The following ZNF536 variants were observed in gnomAD, a reference collection of about 807,000 sequenced individuals.
The protein encoded by ZNF536 is zinc finger protein 536.
Under a neutral mutation model 84.5 loss-of-function variants are expected in ZNF536, and 13 were observed. That is an observed-to-expected ratio of 0.15 (90% CI 0.10 to 0.24). The LOEUF is 0.24. Among genes scored for constraint, ZNF536 ranks in the 10% least tolerant of loss-of-function variants. The pLI is 1.00. For missense variants in ZNF536, 1,536 were observed against 1,747.5 expected, an observed-to-expected ratio of 0.88 and a Z score of 2.16; for synonymous variants, 811 against 742.5, an observed-to-expected ratio of 1.09 and a Z score of -1.50.
intron 1 of ZNF536, among the ~76,000 whole-genome samples, chr19:30,390,539 A>G (rs2049541431): frequency 6.6e-6 from 1 of 152,206 alleles, no homozygotes; most frequent in South Asian, 2.1e-4. Flanking sequence ...CCACTTGGCC[A>G]TGCCAATCTT....
chr19:30,451,977 C>T (rs1274812330), intron 2 of ZNF536, among the ~76,000 whole-genome samples: 2 of 152,220 alleles, frequency 1.3e-5, no homozygotes, highest in Non-Finnish European at 1.5e-5. Context: ...GCATTAGCTG[C>T]GTGATTTCCA....
chr19:30,506,725 G>T (rs149804128), intron 2 of ZNF536, among the ~76,000 whole-genome samples: 261 of 152,242 alleles, frequency 1.7e-3, no homozygotes, highest in African/African-American at 6.1e-3. Context: ...ATTGGGCCTC[G>T]AGTAATCCAC....
At chr19:30,289,533 GC>G (rs1336138075) in intron 2 of ZNF536, among the ~76,000 whole-genome samples, 1 of 152,210 alleles carries the variant, frequency 6.6e-6, no homozygotes, top group Non-Finnish European at 1.5e-5. Context: ...ATGTGCACAG[GC>G]CGACTTCCCC....
At chr19:30,239,330 C>T (rs1312219200) in intron 1 of ZNF536, among the ~76,000 whole-genome samples, 3 of 152,198 alleles carry the variant, frequency 2.0e-5, no homozygotes, top group Admixed American at 6.5e-5. Flanking sequence ...ATGGAGAAAG[C>T]GAGGCTTATC....
rs563949726 is a variant in ZNF536 at position 30,303,270 on chromosome 19, C to A, written c.-120+19129C>A. ...GACCCCAGCTTCTGGAGGGCAGGCG[C>A]CTTCCTTGTCACCCCACCAGTTAGC... On this transcript the variant is annotated intron_variant, in intron 2 of 5. Transcript: ENST00000585628. Among the ~76,000 whole-genome samples the A allele has an allele frequency of 1.5e-3, 223 of 152,312 alleles. 1 individual carries two copies. The highest frequency in any genetic ancestry group is 2.0e-3 in the Non-Finnish European group (135 of 68,030).
At chr19:30,296,481 AC>A (rs765923080) in intron 2 of ZNF536, among the ~76,000 whole-genome samples, 12 of 152,086 alleles carry the variant, frequency 7.9e-5, no homozygotes, top group Middle Eastern at 3.4e-3. Flanking sequence ...CCTGGGTGAA[AC>A]CCTTTTGTAT....
chr19:30,271,459 T>G (rs1331465437), intron 1 of ZNF536, among the ~76,000 whole-genome samples: 3 of 152,154 alleles, frequency 2.0e-5, no homozygotes, highest in Non-Finnish European at 4.4e-5. Flanking sequence ...TTCTCATCCC[T>G]TCTCCAGAAT....
chr19:30,697,551 T>G (rs116555132), intron 1 of ZNF536, among the ~76,000 whole-genome samples: 1 of 152,184 alleles, frequency 6.6e-6, no homozygotes, highest in Non-Finnish European at 1.5e-5. Flanking sequence ...ATTAGGGAGC[T>G]ATTATTATTA....
Position 30,504,564 on chromosome 19 carries a change from C to A in ZNF536, c.2171-30283C>A, listed in dbSNP as rs114261249. ...ACTCATCCTCCCACCCTTCCTCCTT[C>A]CCTCTCTCCCACCCTTCCTCCTTCC... is the stretch of plus-strand genomic sequence containing the variant. On this transcript the variant is annotated intron_variant, in intron 2 of 4. Transcript: ENST00000355537. Among the ~76,000 whole-genome samples, 1,154 of 125,882 alleles carry A rather than the reference C, an allele frequency of 9.2e-3. 24 individuals are homozygous for A. Among genetic ancestry groups the A allele is most frequent in the African/African-American group, 0.033 (1,088 of 32,926 alleles). 82.6% of individuals were successfully genotyped at this position (125,882 alleles called of 152,430 possible).
intron 1 of ZNF536, chr19:30,665,387 C>T (rs1359434909): frequency 1.3e-5 from 2 of 152,100 alleles, no homozygotes; most frequent in Non-Finnish European, 2.9e-5. Context: ...AATCCATAAG[C>T]AGTAATGCGT....
chr19:30,527,639 T>C (rs781500994), intron 2 of ZNF536, among the ~76,000 whole-genome samples: 14 of 151,914 alleles, frequency 9.2e-5, no homozygotes, highest in Non-Finnish European at 2.1e-4. Flanking sequence ...GCATGAGTTA[T>C]GTCTTCTAAG....
intron 2 of ZNF536, among the ~76,000 whole-genome samples, chr19:30,519,929 G>A (rs984196126): frequency 2.0e-5 from 3 of 152,228 alleles, no homozygotes; most frequent in Admixed American, 1.3e-4. Flanking sequence ...TCTGAGAAAT[G>A]TCCTGAAGGT....
intron 1 of ZNF536, among the ~76,000 whole-genome samples, chr19:30,238,064 G>C (rs769226627): frequency 4.6e-5 from 7 of 152,124 alleles, no homozygotes; most frequent in Non-Finnish European, 8.8e-5. Flanking sequence ...TCCCTCATAA[G>C]GTCATCAGGA....
intron 2 of ZNF536, among the ~76,000 whole-genome samples, chr19:30,468,274 G>C (rs2053495231): frequency 6.6e-6 from 1 of 152,214 alleles, no homozygotes; most frequent in African/African-American, 2.4e-5. Context: ...GGAGGACTTG[G>C]CGATAAGGCT....
At chr19:30,331,790 A>G (rs1044630528) in intron 2 of ZNF536, among the ~76,000 whole-genome samples, 1 of 151,900 alleles carries the variant, frequency 6.6e-6, no homozygotes, top group Non-Finnish European at 1.5e-5. Flanking sequence ...TCCACTGTCA[A>G]TCATTGGTGT....
chr19:30,503,347 G>A (rs1387111113), intron 2 of ZNF536, among the ~76,000 whole-genome samples: 1 of 152,230 alleles, frequency 6.6e-6, no homozygotes, highest in East Asian at 1.9e-4. Flanking sequence ...CAAAGGACAT[G>A]AGCAGGCGAT....
intron 1 of ZNF536, among the ~76,000 whole-genome samples, chr19:30,230,439 C>T (rs2022946683): frequency 1.3e-5 from 2 of 152,152 alleles, no homozygotes; most frequent in African/African-American, 4.8e-5. Flanking sequence ...TTGTTCTGTG[C>T]CTGGAGTGGT....
chr19:30,618,962 T>C (rs2048391579), intron 1 of ZNF536, among the ~76,000 whole-genome samples: 2 of 152,178 alleles, frequency 1.3e-5, no homozygotes, highest in African/African-American at 4.8e-5. Flanking sequence ...ATAAATTCTT[T>C]TTGTATTTGT....
At chr19:30,642,549 A>C (rs1398195660) in intron 1 of ZNF536, among the ~76,000 whole-genome samples, 1 of 152,196 alleles carries the variant, frequency 6.6e-6, no homozygotes, top group Non-Finnish European at 1.5e-5. Context: ...AGAAGGTAGA[A>C]GGTCAGAGAG....
Sources: gnomAD v4.1 joint callset for allele counts (sites outside exome capture counted in the v4.1 genomes callset) on GRCh38, gnomAD v4.1.1 for gene constraint, MANE v1.5 for transcripts, NCBI Gene and HGNC (gene_info 2026-07-23, HGNC 2026-07-21) for gene names.